ACYP2: variants seen among roughly 807,000 people sequenced by gnomAD.
ACYP2 encodes acylphosphatase-2.
In ACYP2, 12 loss-of-function variants were observed where a neutral mutation model predicts 11.2. The ratio of observed to expected loss-of-function variants is 1.08; its 90% CI spans 0.69 to 1.74. The LOEUF (loss-of-function observed/expected upper bound fraction) is 1.74. ACYP2 is among the 40% of genes most tolerant of loss of function. ACYP2 has a pLI of 0.00. For synonymous variants in ACYP2, 43 were observed against 32.2 expected, an observed-to-expected ratio of 1.33 and a Z score of -1.13; for missense variants, 134 against 101.9, an observed-to-expected ratio of 1.31 and a Z score of -1.35.
chr2:54,170,537 T>C (rs1251543510), intron 6 of ACYP2, among the ~76,000 whole-genome samples: 1 of 151,284 alleles, frequency 6.6e-6, no homozygotes, highest in African/African-American at 2.4e-5. Flanking sequence ...TACCTCCAAA[T>C]CCTGTTGCAG....
intron 6 of ACYP2, among the ~76,000 whole-genome samples, chr2:54,233,550 C>T (rs1686337721): frequency 1.3e-5 from 2 of 152,088 alleles, no homozygotes; most frequent in South Asian, 2.1e-4. Context: ...AAGTGATCTG[C>T]CCACCTTGGC....
chr2:54,176,358 T>G (rs1390680327), intron 6 of ACYP2, among the ~76,000 whole-genome samples: 4 of 152,176 alleles, frequency 2.6e-5, no homozygotes, highest in Non-Finnish European at 5.9e-5. Context: ...TCTTGAACTG[T>G]GAGATGGAAG....
At chr2:54,190,550 T>G (rs1365011534) in intron 6 of ACYP2, among the ~76,000 whole-genome samples, 2 of 152,068 alleles carry the variant, frequency 1.3e-5, no homozygotes, top group Non-Finnish European at 2.9e-5. Flanking sequence ...TACCTCTCTC[T>G]TCTCCTTGGC....
At position 54,077,289 on chromosome 2, in the gene ACYP2, G is replaced by T. The variant is rs1440244988; in HGVS notation, c.277+19929G>T. On this transcript the variant is annotated intron_variant, in intron 4 of 6. Coordinates refer to ENST00000607452, the MANE Select transcript of ACYP2 (RefSeq NM_001320586.2). ...TAGTTGGAGCAAAAGACCTTTGTTT[G>T]TGACTCCCCTCTACCACTATAAGCT... Among the ~76,000 whole-genome samples the T allele has an allele frequency of 2.0e-5, 3 of 152,292 alleles. No homozygotes were observed. In the East Asian group the frequency reaches 5.8e-4, roughly 29 times the overall value.
chr2:54,152,805 C>T (rs1293786118), intron 6 of ACYP2, among the ~76,000 whole-genome samples: 1 of 151,996 alleles, frequency 6.6e-6, no homozygotes, highest in Non-Finnish European at 1.5e-5. Context: ...TATTGAGAGA[C>T]ACCTTGGTTG....
rs917480935 is a variant in ACYP2 at position 54,126,063 on chromosome 2, A to G, written c.278-9390A>G. Among the ~76,000 whole-genome samples, 11 of 152,342 alleles carry G rather than the reference A, an allele frequency of 7.2e-5. No homozygotes were observed. The East Asian group carries it at 1.9e-3, about 27-fold the overall frequency. ...ACCACTGCACTCCAGCCTGGGCGAC[A>G]GAGAGAGACTCCGACTCAAAAAAAA... On this transcript the variant is annotated intron_variant, in intron 4 of 6. Coordinates refer to ENST00000607452, the MANE Select transcript of ACYP2 (RefSeq NM_001320586.2).
intron 2 of ACYP2, among the ~76,000 whole-genome samples, chr2:54,037,271 CCTGT>C (rs1558486421): frequency 1.3e-5 from 2 of 152,072 alleles, no homozygotes; most frequent in African/African-American, 4.8e-5. Context: ...CACCACCATG[CCTGT>C]CTAATTTTTT....
chr2:53,988,571 T>C (rs928088466), intron 2 of ACYP2, among the ~76,000 whole-genome samples: 2 of 151,836 alleles, frequency 1.3e-5, no homozygotes, highest in African/African-American at 4.8e-5. Flanking sequence ...TGGCTATATA[T>C]ATGTATATGT....
At chr2:54,208,017 A>C (rs1685155165) in intron 6 of ACYP2, among the ~76,000 whole-genome samples, 1 of 152,174 alleles carries the variant, frequency 6.6e-6, no homozygotes, top group Admixed American at 6.5e-5. Context: ...GACCTCCCAC[A>C]GATCCATGAA....
chr2:53,978,369 A>G (rs948900727), intron 2 of ACYP2, among the ~76,000 whole-genome samples: 1 of 152,208 alleles, frequency 6.6e-6, no homozygotes, highest in African/African-American at 2.4e-5. Flanking sequence ...TCCTCATCAA[A>G]TCATGCAGGT....
At chr2:54,227,413 G>A (rs960061964) in intron 6 of ACYP2, among the ~76,000 whole-genome samples, 1 of 152,006 alleles carries the variant, frequency 6.6e-6, no homozygotes, top group African/African-American at 2.4e-5. Flanking sequence ...GGTCAATGTG[G>A]GCAGATCACG....
intron 2 of ACYP2, chr2:54,029,471 G>T (rs545790503): frequency 1.9e-4 from 65 of 344,892 alleles, no homozygotes; most frequent in African/African-American, 1.1e-3. Flanking sequence ...ACATATATGT[G>T]TATATATGTA....
rs551788644 is a variant in ACYP2, at chr2:54,066,248, T to C, written c.277+8888T>C. Among the ~76,000 whole-genome samples, 4 of 152,308 alleles carry C rather than the reference T, an allele frequency of 2.6e-5. No homozygotes were observed. In the East Asian group the frequency reaches 7.7e-4, roughly 29 times the overall value. ...GTGAGGGAGTTTTCACGTGATCTGA[T>C]GGTTTAGAAGTGCGTGGTGGATCCT... On this transcript the variant is annotated intron_variant, in intron 4 of 6. Transcript: ENST00000607452.
chr2:54,183,079 A>G (rs545165030), intron 6 of ACYP2, among the ~76,000 whole-genome samples: 2 of 152,260 alleles, frequency 1.3e-5, no homozygotes, highest in Non-Finnish European at 2.9e-5. Flanking sequence ...AGTCAAGTTA[A>G]TAAGCTGTTA....
rs369139067 is a variant in ACYP2 at position 54,217,462 on chromosome 2, G to T, written c.404+78714G>T. On this transcript the variant is annotated intron_variant, in intron 6 of 6. Transcript: ENST00000607452. The stretch of plus-strand genomic sequence containing the variant: ...GCTCACTGTGGCCTCTACCTCCTGG[G>T]CTCAAGCGACTTTCCTACCTTAGCC... 9.9e-5 allele frequency among the ~76,000 whole-genome samples: 15 copies of T among 152,170 alleles called. 1 individual carries two copies. In the East Asian group the frequency reaches 2.7e-3, roughly 27 times the overall value.
At chr2:54,074,513 C>A (rs1391551925) in intron 4 of ACYP2, among the ~76,000 whole-genome samples, 1 of 151,772 alleles carries the variant, frequency 6.6e-6, no homozygotes, top group East Asian at 1.9e-4. Flanking sequence ...ATAAAAATCA[C>A]TGAATTGTAC....
intron 6 of ACYP2, among the ~76,000 whole-genome samples, chr2:54,203,408 A>G (rs529082597): frequency 3.3e-5 from 5 of 152,012 alleles, no homozygotes; most frequent in Non-Finnish European, 7.3e-5. Flanking sequence ...TGTCATATGC[A>G]AATAGAGATA....
intron 6 of ACYP2, among the ~76,000 whole-genome samples, chr2:54,158,960 A>G (rs989933595): frequency 1.3e-4 from 20 of 152,170 alleles, no homozygotes; most frequent in Admixed American, 1.2e-3. Context: ...GGCAAGGGTC[A>G]GCTAACTAAA....
intron 6 of ACYP2, among the ~76,000 whole-genome samples, chr2:54,158,365 T>A (rs1682536203): frequency 6.6e-6 from 1 of 151,998 alleles, no homozygotes. Context: ...TTTTTTCCTC[T>A]TTTTGCCCTT....
Sources: allele counts gnomAD v4.1 joint callset (sites outside exome capture counted in the v4.1 genomes callset), GRCh38; gene constraint gnomAD v4.1.1; transcripts MANE v1.5; gene names NCBI Gene and HGNC (gene_info 2026-07-23, HGNC 2026-07-21).